Variants in H1-2 observed in about 807,000 individuals in gnomAD.
The protein encoded by H1-2 is H1.2 linker histone, cluster member.
H1-2 carries 7 observed loss-of-function variants against 7.2 expected under a neutral mutation model. The ratio of observed to expected loss-of-function variants is 0.97; its 90% CI spans 0.55 to 1.82. H1-2 has a LOEUF of 1.82. Ranked by LOEUF, H1-2 falls within the 40% of genes most tolerant of loss-of-function variation. The probability of loss-of-function intolerance (pLI) is 0.00; values close to 1 mark genes in which losing one functional copy is unlikely to be tolerated. For synonymous variants in H1-2, 300 were observed against 118.2 expected (o/e 2.54, Z -9.98); for missense variants, 703 against 276.6 (o/e 2.54, Z -10.94).
rs1761933702 is a variant in H1-2, at chr6:26,056,436, A to G, written c.-8T>C. ...AGGAGCAGTCTCGGACATGTTGAGA[A>G]TCAAAAACTCGGGTACAAGTGGCAA... On this transcript the variant is annotated 5_prime_UTR_variant, in exon 1 of 1. Transcript: ENST00000343677. The G allele has an allele frequency of 1.3e-6, 2 of 1,561,316 alleles. No individual in the cohort carries two copies. The highest frequency in any genetic ancestry group is 1.7e-6 in the Non-Finnish European group (2 of 1,158,314).
In H1-2 at chr6:26,056,023, T is replaced by G. The variant is rs780613965; in HGVS notation, c.406A>C (p.Lys136Gln). 7.2e-5 allele frequency: 117 copies of G among 1,614,006 alleles called. 1 individual carries two copies. The highest frequency in any genetic ancestry group is 9.7e-5 in the Non-Finnish European group (115 of 1,180,028). The change falls in exon 1 of 1, where the codon AAG becomes CAG. Residue 136 changes from lysine (K) to glutamine (Q), a missense_variant. Lys to Gln is a moderately conservative substitution (Grantham distance 53, BLOSUM62 1). Coordinates refer to ENST00000343677, the MANE Select transcript of H1-2 (RefSeq NM_005319.4). Reference protein sequence around the residue: ...TKPKKPVGAAKKPKKAAGGAT... With the variant: ...TKPKKPVGAAQKPKKAAGGAT... ...CCGCCAGCCGCCTTCTTGGGCTTCT[T>G]GGCTGCCCCAACTGGCTTCTTAGGT...
In H1-2 at chr6:26,056,102, CTTG is replaced by C. The variant is rs762045774; in HGVS notation, c.324_326del (p.Asn108del). ...GCTTGGCTTCCCCGGAGGCTGCCTT[CTTG>C]TTGAGTTTAAAGGAGCCAGAAGCAC... On this transcript the variant is annotated inframe_deletion, in exon 1 of 1. Coordinates refer to ENST00000343677, the MANE Select transcript of H1-2 (RefSeq NM_005319.4). 3.1e-6 allele frequency: 5 copies of C among 1,614,076 alleles called. No individual in the cohort carries two copies. Among genetic ancestry groups the C allele is most frequent in the East Asian group, 4.5e-5 (2 of 44,882 alleles).
rs755872391 is a variant in H1-2 at position 26,056,398 on chromosome 6, C to CAGCGGG, written c.25_30dup (p.Pro9_Ala10dup). 5.6e-6 allele frequency: 9 copies of CAGCGGG among 1,600,276 alleles called. No individual in the cohort carries two copies. The highest frequency in any genetic ancestry group is 4.1e-5 in the African/African-American group (3 of 74,014). On this transcript the variant is annotated inframe_insertion, in exon 1 of 1. Transcript: ENST00000343677. ...GGGGCCTTCTCCGCAGGAGGCGCGG[C>CAGCGGG]AGCGGGAGCGGCAGGAGCAGTCTCG... is the stretch of plus-strand genomic sequence containing the variant.
In H1-2 at chr6:26,055,755, G is replaced by C; in HGVS notation, c.*32C>G. ...TTGAGATCAGTGGTGGCTCTGAAAA[G>C]AGCCTTTTGGGTTTTAGAAGTAGGC... On this transcript the variant is annotated 3_prime_UTR_variant, in exon 1 of 1. Transcript: ENST00000343677. 6.4e-7 allele frequency: 1 copy of C among 1,562,110 alleles called. No individual in the cohort carries two copies. The highest frequency in any genetic ancestry group is 8.6e-7 in the Non-Finnish European group (1 of 1,159,482).
rs909581996 is a variant in H1-2 at position 26,056,135 on chromosome 6, G to A, written c.294C>T (p.Gly98=). ...GTTTAAAGGAGCCAGAAGCACCGGT[G>A]CCTTTCGTTTGCACCAGAGTGCCCT... The part of the protein sequence containing the change: ...VSKGTLVQTK[G]TGASGSFKLN... The change falls in exon 1 of 1, where the codon GGC becomes GGT. Residue 98 remains glycine, a synonymous_variant. Transcript: ENST00000343677. The A allele has an allele frequency of 5.6e-6, 9 of 1,614,248 alleles. No individual in the cohort carries two copies. Among genetic ancestry groups the A allele is most frequent in the African/African-American group, 1.3e-5 (1 of 75,072 alleles).
At position 26,056,425 on chromosome 6, in the gene H1-2, A is replaced by G. The variant is rs1244403998; in HGVS notation, c.4T>C (p.Ser2Pro). The change falls in exon 1 of 1, where the codon TCC (serine) becomes CCC (proline). Residue 2 changes from serine (S) to proline (P), a missense_variant. Transcript: ENST00000343677. Reference protein sequence around the residue: MSETAPAAPAAA... With the variant: MPETAPAAPAAA... ...GCGGGAGCGGCAGGAGCAGTCTCGG[A>G]CATGTTGAGAATCAAAAACTCGGGT... 6.4e-7 allele frequency: 1 copy of G among 1,571,266 alleles called. No individual in the cohort carries two copies. The highest frequency in any genetic ancestry group is 8.6e-7 in the Non-Finnish European group (1 of 1,163,116).
In H1-2 at chr6:26,055,788, T is replaced by C. The variant is rs955441558; in HGVS notation, c.641A>G (p.Ter214TrpextTer6). The change falls in exon 1 of 1, where the codon TAG becomes TGG. Residue 214 changes from the stop codon to tryptophan, a stop_lost. Coordinates refer to ENST00000343677, the MANE Select transcript of H1-2 (RefSeq NM_005319.4). ...KPKKAAPKKK[*>W] ...TGGGTTTTAGAAGTAGGCGTTCGCC[T>C]ATTTCTTCTTGGGCGCCGCCTTCTT... The C allele has an allele frequency of 3.1e-6, 5 of 1,590,362 alleles. No individual in the cohort carries two copies. The highest frequency in any genetic ancestry group is 4.3e-6 in the Non-Finnish European group (5 of 1,173,828).
At position 26,056,262 on chromosome 6, in the gene H1-2, C is replaced by G. The variant is rs138831824; in HGVS notation, c.167G>C (p.Gly56Ala). The G allele has an allele frequency of 6.2e-7, 1 of 1,614,236 alleles. No homozygotes were observed. Among genetic ancestry groups the G allele is most frequent in the Non-Finnish European group, 8.5e-7 (1 of 1,180,050 alleles). The change falls in exon 1 of 1, where the codon GGA becomes GCA. Residue 56 changes from glycine to alanine, a missense_variant. Gly to Ala is a moderately conservative substitution (Grantham distance 60). Transcript: ENST00000343677. ...KAVAASKERS[G>A]VSLAALKKAL... ...TTTTTTCAGAGCAGCCAGAGAAACT[C>G]CGCTACGCTCTTTAGAGGCGGCCAC...
Position 26,055,998 on chromosome 6 carries a change from C to G in H1-2, c.431G>C (p.Gly144Ala). The G allele has an allele frequency of 1.9e-6, 3 of 1,614,034 alleles. No homozygotes were observed. Among genetic ancestry groups the G allele is most frequent in the Non-Finnish European group, 2.5e-6 (3 of 1,180,028 alleles). Residue 144 changes from glycine to alanine, a missense_variant, in exon 1 of 1, where the codon GGC becomes GCC. Physicochemically the swap from Gly to Ala is moderately conservative, Grantham distance 60. Transcript: ENST00000343677. ...CTTAGCGCTCTTCTTCGGAGTTGCG[C>G]CGCCAGCCGCCTTCTTGGGCTTCTT... ...AAKKPKKAAG[G>A]ATPKKSAKKT...
chr6:26,055,928 G>C lies in H1-2; in HGVS notation c.501C>G (p.Thr167=), dbSNP rs199882747. 5.2e-4 allele frequency: 842 copies of C among 1,614,134 alleles called. No individual in the cohort carries two copies. The highest frequency in any genetic ancestry group is 2.1e-3 in the Middle Eastern group (13 of 6,048). ...KAKKPAAATV[T]KKVAKSPKKA... is the part of the protein sequence containing the mutation. ...TCTTTGGGCTCTTAGCCACTTTCTT[G>C]GTTACAGTGGCCGCGGCCGGCTTCT... Residue 167 remains threonine (T), a synonymous_variant, in exon 1 of 1, where the codon ACC becomes ACG. Transcript: ENST00000343677.
rs1561927454 is a variant in H1-2 at position 26,056,146 on chromosome 6, GCAC to G, written c.280_282del (p.Val94del). 2 of 1,614,238 alleles carry G rather than the reference GCAC, an allele frequency of 1.2e-6. No individual in the cohort carries two copies. The highest frequency in any genetic ancestry group is 2.2e-5 in the South Asian group (2 of 91,088). ...CCAGAAGCACCGGTGCCTTTCGTTT[GCAC>G]CAGAGTGCCCTTGCTCACCAGGCTC... On this transcript the variant is annotated inframe_deletion, in exon 1 of 1. Transcript: ENST00000343677.
rs746494230 is a variant in H1-2 at position 26,055,989 on chromosome 6, G to A, written c.440C>T (p.Pro147Leu). 2.1e-5 allele frequency: 34 copies of A among 1,613,832 alleles called. No homozygotes were observed. The highest frequency in any genetic ancestry group is 4.4e-5 in the South Asian group (4 of 91,072). The change falls in exon 1 of 1, where the codon CCG becomes CTG. Residue 147 changes from proline to leucine, a missense_variant. Pro to Leu is a moderately conservative substitution (Grantham distance 98). Transcript: ENST00000343677. ...KPKKAAGGAT[P>L]KKSAKKTPKK... ...CGGTGTTTTCTTAGCGCTCTTCTTC[G>A]GAGTTGCGCCGCCAGCCGCCTTCTT...
chr6:26,055,898 G>A lies in H1-2; in HGVS notation c.531C>T (p.Ala177=), dbSNP rs151312739. 4 of 1,613,988 alleles carry A rather than the reference G, an allele frequency of 2.5e-6. No homozygotes were observed. The highest frequency in any genetic ancestry group is 2.7e-5 in the African/African-American group (2 of 74,894). The change falls in exon 1 of 1, where the codon GCC becomes GCT. Residue 177 remains alanine (A), a synonymous_variant. Transcript: ENST00000343677. ...TKKVAKSPKK[A]KVAKPKKAAK... is the part of the protein sequence containing the mutation. ...CAGCTTTCTTGGGCTTCGCAACCTT[G>A]GCCTTCTTTGGGCTCTTAGCCACTT...
rs75040909 is a variant in H1-2 at position 26,056,347 on chromosome 6, C to T, written c.82G>A (p.Ala28Thr). ...GACGCCTTACGAGGCGTACCCCCAG[C>T]CTTTTTGGCCGCCTTCTTCTTTACA... ...APVKKKAAKK[A>T]GGTPRKASGP... Residue 28 changes from alanine to threonine, a missense_variant, in exon 1 of 1, where the codon GCT (alanine) becomes ACT (threonine). Physicochemically the swap from Ala to Thr is moderately conservative, Grantham distance 58. Transcript: ENST00000343677. The T allele has an allele frequency of 1.3e-3, 2,114 of 1,613,702 alleles. 18 individuals carry two copies. Among genetic ancestry groups the T allele is most frequent in the Middle Eastern group, 6.9e-3 (42 of 6,052 alleles).
Position 26,056,224 on chromosome 6 carries a change from C to T in H1-2, c.205G>A (p.Ala69Thr). The stretch of plus-strand genomic sequence containing the variant: ...TTGTTTTTCTCCACATCATAGCCGG[C>T]GGCAGCCAACGCTTTTTTCAGAGCA... ...LAALKKALAA[A>T]GYDVEKNNSR... Residue 69 changes from alanine (A) to threonine (T), a missense_variant, in exon 1 of 1, where the codon GCC (alanine) becomes ACC (threonine). By Grantham distance (58) the Ala-to-Thr change is moderately conservative (BLOSUM62 0). Transcript: ENST00000343677. 4 of 1,614,234 alleles carry T rather than the reference C, an allele frequency of 2.5e-6. No individual in the cohort carries two copies. Among genetic ancestry groups the T allele is most frequent in the Non-Finnish European group, 2.5e-6 (3 of 1,180,040 alleles).
At position 26,056,019 on chromosome 6, in the gene H1-2, T is replaced by G. The variant is rs777384681; in HGVS notation, c.410A>C (p.Lys137Thr). 4.3e-6 allele frequency: 7 copies of G among 1,614,088 alleles called. No individual in the cohort carries two copies. The highest frequency in any genetic ancestry group is 5.1e-6 in the Non-Finnish European group (6 of 1,180,008). Reference protein sequence around the residue: ...KPKKPVGAAKKPKKAAGGATP... With the variant: ...KPKKPVGAAKTPKKAAGGATP... ...TGCGCCGCCAGCCGCCTTCTTGGGCTTCTTGGCTGCCCCAACTGGCTTCTT... is the reference window on the plus strand; with the variant it reads ...TGCGCCGCCAGCCGCCTTCTTGGGCGTCTTGGCTGCCCCAACTGGCTTCTT... Residue 137 changes from lysine (K) to threonine (T), a missense_variant, in exon 1 of 1, where the codon AAG becomes ACG. Lys to Thr is a moderately conservative substitution (Grantham distance 78). Coordinates refer to ENST00000343677, the MANE Select transcript of H1-2 (RefSeq NM_005319.4).
chr6:26,056,028 G>A lies in H1-2; in HGVS notation c.401C>T (p.Ala134Val), dbSNP rs1393374789. ...AGCCGCCTTCTTGGGCTTCTTGGCT[G>A]CCCCAACTGGCTTCTTAGGTTTGGT... ...GGTKPKKPVG[A>V]AKKPKKAAGG... Residue 134 changes from alanine (A) to valine (V), a missense_variant, in exon 1 of 1, where the codon GCA becomes GTA. Transcript: ENST00000343677. The A allele has an allele frequency of 1.2e-6, 2 of 1,614,066 alleles. No individual in the cohort carries two copies.
chr6:26,055,992 G>C lies in H1-2; in HGVS notation c.437C>G (p.Thr146Ser), dbSNP rs148255298. 1 of 1,613,908 alleles carries C rather than the reference G, an allele frequency of 6.2e-7. No homozygotes were observed. Among genetic ancestry groups the C allele is most frequent in the Non-Finnish European group, 8.5e-7 (1 of 1,180,036 alleles). The change falls in exon 1 of 1, where the codon ACT becomes AGT. Residue 146 changes from threonine (T) to serine (S), a missense_variant. Coordinates refer to ENST00000343677, the MANE Select transcript of H1-2 (RefSeq NM_005319.4). ...KKPKKAAGGATPKKSAKKTPK... is the reference protein window; with the variant it reads ...KKPKKAAGGASPKKSAKKTPK... Reference sequence around the variant, plus strand: ...TGTTTTCTTAGCGCTCTTCTTCGGAGTTGCGCCGCCAGCCGCCTTCTTGGG... The same window carrying C: ...TGTTTTCTTAGCGCTCTTCTTCGGACTTGCGCCGCCAGCCGCCTTCTTGGG...
chr6:26,056,008 C>T lies in H1-2; in HGVS notation c.421G>A (p.Ala141Thr), dbSNP rs2113701308. ...PVGAAKKPKK[A>T]AGGATPKKSA... ...TTCTTCGGAGTTGCGCCGCCAGCCG[C>T]CTTCTTGGGCTTCTTGGCTGCCCCA... is the stretch of plus-strand genomic sequence containing the variant. The change falls in exon 1 of 1, where the codon GCG (alanine) becomes ACG (threonine). Residue 141 changes from alanine (A) to threonine (T), a missense_variant. Ala to Thr is a moderately conservative substitution (Grantham distance 58). Transcript: ENST00000343677. 2 of 1,614,060 alleles carry T rather than the reference C, an allele frequency of 1.2e-6. No individual in the cohort carries two copies. The highest frequency in any genetic ancestry group is 4.5e-5 in the East Asian group (2 of 44,880).
Sources: allele counts gnomAD v4.1 joint callset, GRCh38; gene constraint gnomAD v4.1.1; transcripts MANE v1.5; gene names NCBI Gene and HGNC (gene_info 2026-07-23, HGNC 2026-07-21).